FAIM2: variants seen among roughly 807,000 people sequenced by gnomAD.
The protein encoded by FAIM2 is Fas apoptotic inhibitory molecule 2.
In FAIM2, 27 loss-of-function variants were observed where a neutral mutation model predicts 47.4. The observed-to-expected ratio is 0.57, with a 90% confidence interval of 0.42 to 0.78. The LOEUF (loss-of-function observed/expected upper bound fraction) is 0.78, where lower values mean the gene tolerates loss of function less well. Among genes scored for constraint, FAIM2 ranks in the 30% least tolerant of loss-of-function variants. The probability of loss-of-function intolerance (pLI) is 0.00; values close to 1 mark genes in which losing one functional copy is unlikely to be tolerated. For missense variants in FAIM2, 311 were observed against 389.4 expected (o/e 0.80, Z 1.69); for synonymous variants, 156 against 159.3 (o/e 0.98, Z 0.16).
intron 8 of FAIM2, 83 bp downstream of exon 8, chr12:49,890,034 G>C (rs1946888636): frequency 7.2e-7 from 1 of 1,390,696 alleles, no homozygotes; most frequent in African/African-American, 1.4e-5. Context: ...CCATGTGTGT[G>C]GGGCAGCTCC....
rs1159489755 is a variant in FAIM2, at chr12:49,874,509, T to C, written c.802-3856A>G. ...CCCGCCTCACTTTACTGGCCAGTGCTAAACCTGGCCGGGGACCCCAGCCAC... is the reference window on the plus strand; with the variant it reads ...CCCGCCTCACTTTACTGGCCAGTGCCAAACCTGGCCGGGGACCCCAGCCAC... On this transcript the variant is annotated intron_variant, in intron 11 of 11. Coordinates refer to ENST00000320634, the MANE Select transcript of FAIM2 (RefSeq NM_012306.4). This position sits in a 1 kb window ranked among gnomAD's most constrained non-coding sequence, Gnocchi z 4.2. Among the ~76,000 whole-genome samples the C allele has an allele frequency of 2.0e-5, 3 of 152,264 alleles. No individual in the cohort carries two copies. The highest frequency in any genetic ancestry group is 7.2e-5 in the African/African-American group (3 of 41,540).
intron 11 of FAIM2, among the ~76,000 whole-genome samples, chr12:49,885,126 T>C (rs1238417366): frequency 2.0e-5 from 3 of 152,140 alleles, no homozygotes; most frequent in Admixed American, 1.3e-4. Context: ...TTGTAAAACA[T>C]AAAGGGTGGA....
intron 2 of FAIM2, among the ~76,000 whole-genome samples, chr12:49,899,686 G>A (rs1946967985): frequency 6.6e-6 from 1 of 152,210 alleles, no homozygotes; most frequent in African/African-American, 2.4e-5. Context: ...ACTGTTAGGT[G>A]GGTTAGGTAA....
intron 11 of FAIM2, among the ~76,000 whole-genome samples, chr12:49,880,114 ATG>A (rs1440964246): frequency 5.3e-4 from 77 of 145,404 alleles, no homozygotes; most frequent in African/African-American, 1.7e-3. Context: ...GCGTCTGTGT[ATG>A]TGTGTGCATG....
At position 49,874,334 on chromosome 12, in the gene FAIM2, T is replaced by C. The variant is rs1592783292; in HGVS notation, c.802-3681A>G. On this transcript the variant is annotated intron_variant, in intron 11 of 11. Coordinates refer to ENST00000320634, the MANE Select transcript of FAIM2 (RefSeq NM_012306.4). This position sits in a 1 kb window ranked among gnomAD's most constrained non-coding sequence, Gnocchi z 4.2. Reference sequence around the variant, plus strand: ...CTGGGAGGTGGGCGTCCTCATGGTCTTACATGAGGAAAGGAGTCTGAGAGC... The same window carrying C: ...CTGGGAGGTGGGCGTCCTCATGGTCCTACATGAGGAAAGGAGTCTGAGAGC... Among the ~76,000 whole-genome samples the C allele has an allele frequency of 6.6e-6, 1 of 152,254 alleles. No individual in the cohort carries two copies. The highest frequency in any genetic ancestry group is 2.1e-4 in the South Asian group (1 of 4,826).
intron 11 of FAIM2, among the ~76,000 whole-genome samples, chr12:49,880,486 GCA>G (rs796861667): frequency 4.2e-5 from 6 of 143,058 alleles, no homozygotes; most frequent in Admixed American, 1.4e-4. Context: ...GCATGTGTAT[GCA>G]TGTGTATGTG....
chr12:49,882,002 C>A (rs776030247), intron 11 of FAIM2, among the ~76,000 whole-genome samples: 2 of 152,232 alleles, frequency 1.3e-5, no homozygotes, highest in Non-Finnish European at 2.9e-5. Context: ...AAGCTGGATT[C>A]TCACAGCGCT....
chr12:49,880,036 G>A (rs1386390511), intron 11 of FAIM2, among the ~76,000 whole-genome samples: 2 of 78,892 alleles, frequency 2.5e-5, no homozygotes, highest in African/African-American at 1.3e-4. Context: ...GCATGTGAGT[G>A]TATATGCATG....
rs981066826 is a variant in FAIM2, at chr12:49,870,577, G to A, written c.878C>T (p.Ala293Val). Residue 293 changes from alanine (A) to valine (V), a missense_variant, in exon 12 of 12, where the codon GCC (alanine) becomes GTC (valine). Transcript: ENST00000320634. ...GATGATGTCTAGGTAAATGTTGAGGGCTCCAAAAATATACTCCTCAGGGCT... is the reference window on the plus strand; with the variant it reads ...GATGATGTCTAGGTAAATGTTGAGGACTCCAAAAATATACTCCTCAGGGCT... ...SLSPEEYIFGALNIYLDIIYI... is the reference protein window; with the variant it reads ...SLSPEEYIFGVLNIYLDIIYI... 13 of 1,613,754 alleles carry A rather than the reference G, an allele frequency of 8.1e-6. No individual in the cohort carries two copies. The highest frequency in any genetic ancestry group is 1.0e-5 in the Non-Finnish European group (12 of 1,179,714).
intron 3 of FAIM2, among the ~76,000 whole-genome samples, 190 bp from the exon 4 acceptor site, chr12:49,897,773 C>A (rs569437955): frequency 2.0e-5 from 3 of 152,016 alleles, no homozygotes; most frequent in South Asian, 2.1e-4. Context: ...CACCCCCCCC[C>A]AGCATTGGGA....
At chr12:49,873,347 T>A (rs1946715543) in intron 11 of FAIM2, among the ~76,000 whole-genome samples, 2 of 152,132 alleles carry the variant, frequency 1.3e-5, no homozygotes, top group Non-Finnish European at 2.9e-5. Flanking sequence ...ACTATTTGTA[T>A]TTTTGAGTAT....
At chr12:49,903,139 C>T (rs1946992646) in intron 1 of FAIM2, among the ~76,000 whole-genome samples, 1 of 152,220 alleles carries the variant, frequency 6.6e-6, no homozygotes, top group Non-Finnish European at 1.5e-5. Context: ...CGAGTCTCTG[C>T]CCCAGCCCCT....
intron 11 of FAIM2, among the ~76,000 whole-genome samples, chr12:49,883,815 A>G (rs1392003519): frequency 6.6e-6 from 1 of 152,086 alleles, no homozygotes; most frequent in Non-Finnish European, 1.5e-5. Flanking sequence ...AGAGGGAAGG[A>G]ACCGTTGTAT....
At chr12:49,891,638 C>A (rs1033226080) in intron 5 of FAIM2, among the ~76,000 whole-genome samples, 1 of 152,136 alleles carries the variant, frequency 6.6e-6, no homozygotes, top group African/African-American at 2.4e-5. Context: ...CCACACAGGC[C>A]CTTCTCAACC....
At chr12:49,889,994 G>T in intron 8 of FAIM2, 123 bp downstream of exon 8, 2 of 943,538 alleles carry the variant, frequency 2.1e-6, no homozygotes, top group Non-Finnish European at 1.7e-6. Context: ...CCTCCTGCAT[G>T]CCTGAGCCCC....
Position 49,880,189 on chromosome 12 carries a change from T to C in FAIM2, c.801+7197A>G, listed in dbSNP as rs980374831. ...GTGTATGTGTGTGTATGCATGTGTG[T>C]ATATGTGCATGTGTGTGTGCATGTG... is the stretch of plus-strand genomic sequence containing the variant. On this transcript the variant is annotated intron_variant, in intron 11 of 11. Transcript: ENST00000320634. Among the ~76,000 whole-genome samples, 38 of 120,650 alleles carry C rather than the reference T, an allele frequency of 3.1e-4. No individual in the cohort carries two copies. The South Asian group carries it at 3.4e-3, about 11-fold the overall frequency. 79.2% of individuals were successfully genotyped at this position (120,650 alleles called of 152,430 possible). A position where few individuals can be genotyped will look rare whatever the true frequency, so the allele number is the denominator to read the frequency against.
rs1258008109 is a variant in FAIM2 at position 49,880,436 on chromosome 12, ATGTT to A, written c.801+6946_801+6949del. Among the ~76,000 whole-genome samples, 2 of 123,154 alleles carry A rather than the reference ATGTT, an allele frequency of 1.6e-5. 1 individual carries two copies. Among genetic ancestry groups the A allele is most frequent in the East Asian group, 4.7e-4 (2 of 4,296 alleles). 80.8% of individuals were successfully genotyped at this position (123,154 alleles called of 152,430 possible). ...CATGTGTATATGTGCATATCTCTGC[ATGTT>A]TGTGTATGTGCATGTGTATGTGTGT... On this transcript the variant is annotated intron_variant, in intron 11 of 11. Transcript: ENST00000320634.
chr12:49,888,283 G>A (rs1035159986), intron 10 of FAIM2, among the ~76,000 whole-genome samples: 1 of 152,294 alleles, frequency 6.6e-6, no homozygotes, highest in Admixed American at 6.5e-5. Flanking sequence ...CAATCCTGAC[G>A]TCCTGGACTG....
At chr12:49,887,517 A>G in intron 10 of FAIM2, 78 bp from the exon 11 acceptor site, 3 of 1,258,800 alleles carry the variant, frequency 2.4e-6, no homozygotes, top group Non-Finnish European at 3.4e-6. Flanking sequence ...GGTTCAGTCC[A>G]GAGAATGGAG....
Sources: allele counts gnomAD v4.1 joint callset (sites outside exome capture counted in the v4.1 genomes callset), GRCh38; gene constraint gnomAD v4.1.1; non-coding constraint Gnocchi (gnomAD v3.1); transcripts MANE v1.5; gene names NCBI Gene and HGNC (gene_info 2026-07-23, HGNC 2026-07-21).